Variants in PAICS observed in about 807,000 individuals in gnomAD.
PAICS encodes bifunctional phosphoribosylaminoimidazole carboxylase/phosphoribosylaminoimidazole succinocarboxamide synthetase.
A neutral mutation model predicts 53.7 loss-of-function variants in PAICS; 33 were observed. That is an observed-to-expected ratio of 0.61 (90% CI 0.47 to 0.82). PAICS has a LOEUF of 0.82. Ranked by LOEUF, PAICS falls within the 40% of genes least tolerant of loss-of-function variation. The probability of loss-of-function intolerance (pLI) is 0.00; values close to 1 mark genes in which losing one functional copy is unlikely to be tolerated. For synonymous variants in PAICS, 141 were observed against 167.2 expected (o/e 0.84, Z 1.21); for missense variants, 394 against 494.1 (o/e 0.80, Z 1.92).
At chr4:56,458,388 G>C (rs570968762) in intron 8 of PAICS, among the ~76,000 whole-genome samples, 2 of 151,848 alleles carry the variant, frequency 1.3e-5, no homozygotes, top group East Asian at 3.9e-4. Flanking sequence ...TCTACCTAGC[G>C]TGCTAACAAT....
intron 8 of PAICS, among the ~76,000 whole-genome samples, chr4:56,454,824 C>T (rs908514333): frequency 6.6e-6 from 1 of 151,552 alleles, no homozygotes. Flanking sequence ...TAAATGTGAT[C>T]ATGTTACTTC....
intron 3 of PAICS, among the ~76,000 whole-genome samples, chr4:56,448,122 C>T (rs908716515): frequency 6.6e-6 from 1 of 151,442 alleles, no homozygotes; most frequent in African/African-American, 2.4e-5. Flanking sequence ...ATTCTCCTGC[C>T]TCAGCCTCCC....
chr4:56,413,260 G>A, the PAICS span, among the ~76,000 whole-genome samples: 14 of 152,160 alleles, frequency 9.2e-5, no homozygotes, highest in Admixed American at 5.2e-4. Flanking sequence ...AGGTTCAAGC[G>A]ATTCTCCTGC....
the PAICS span, chr4:56,410,773 G>C: frequency 1.0e-6 from 1 of 987,258 alleles, no homozygotes. Context: ...CTAAAACTAT[G>C]AAGTTCTTCC....
intron 8 of PAICS, among the ~76,000 whole-genome samples, chr4:56,457,087 C>T (rs1045377571): frequency 1.4e-4 from 22 of 152,048 alleles, no homozygotes; most frequent in African/African-American, 4.6e-4. Flanking sequence ...CTGTGCCTGG[C>T]GTCCCCTAGT....
chr4:56,411,156 C>T, the PAICS span, among the ~76,000 whole-genome samples: 1 of 152,102 alleles, frequency 6.6e-6, no homozygotes, highest in East Asian at 1.9e-4. Flanking sequence ...ATGGCACTGA[C>T]TGCTAGTGCC....
chr4:56,434,951 C>T (rs1456064252), upstream of PAICS, among the ~76,000 whole-genome samples: 1 of 152,224 alleles, frequency 6.6e-6, no homozygotes, highest in African/African-American at 2.4e-5. Flanking sequence ...GGACTGGCCG[C>T]CACGCCACAC....
the PAICS span, chr4:56,421,603 A>G: frequency 2.6e-5 from 4 of 152,314 alleles, no homozygotes; most frequent in South Asian, 2.1e-4. Flanking sequence ...ATGAGTCCCA[A>G]TTGTAAGACA....
chr4:56,423,581 C>T, the PAICS span: 2 of 151,976 alleles, frequency 1.3e-5, no homozygotes, highest in South Asian at 4.2e-4. Context: ...GCTTGTTAGT[C>T]CTCTGGAAAA....
chr4:56,430,349 T>C, the PAICS span, among the ~76,000 whole-genome samples: 1 of 152,154 alleles, frequency 6.6e-6, no homozygotes, highest in African/African-American at 2.4e-5. Context: ...TCCTATAAGG[T>C]AGGTGCTATT....
chr4:56,437,162 G>A (rs976509376), intron 1 of PAICS, among the ~76,000 whole-genome samples: 1 of 149,312 alleles, frequency 6.7e-6, no homozygotes, highest in African/African-American at 2.5e-5. Flanking sequence ...TGATGTCATG[G>A]GTGTGTATGT....
upstream of PAICS, among the ~76,000 whole-genome samples, chr4:56,433,523 C>A (rs79114130): frequency 0.011 from 1,577 of 148,144 alleles, 32 homozygotes; most frequent in African/African-American, 0.036. Context: ...TCTTTTTCTT[C>A]AGGCACACAT....
intron 8 of PAICS, among the ~76,000 whole-genome samples, chr4:56,454,036 G>A (rs912102380): frequency 6.6e-6 from 1 of 152,188 alleles, no homozygotes; most frequent in Non-Finnish European, 1.5e-5. Flanking sequence ...CCCACTATCT[G>A]ATGCATTAGA....
the PAICS span, among the ~76,000 whole-genome samples, chr4:56,412,149 A>T: frequency 0.68 from 103,479 of 151,940 alleles, 35,347 homozygotes; most frequent in Admixed American, 0.76. Flanking sequence ...CCAATATCTC[A>T]ACTTCTTAAA....
intron 1 of PAICS, among the ~76,000 whole-genome samples, chr4:56,440,036 T>C (rs2110081440): frequency 6.6e-6 from 1 of 152,322 alleles, no homozygotes; most frequent in South Asian, 2.1e-4. Flanking sequence ...GCCGTAATGA[T>C]CTTTCCAAAT....
upstream of PAICS, among the ~76,000 whole-genome samples, chr4:56,433,755 C>T (rs949545878): frequency 2.0e-5 from 3 of 150,676 alleles, no homozygotes; most frequent in South Asian, 4.2e-4. Context: ...AGTGCAGTGG[C>T]GTGATCTCTG....
chr4:56,436,554 G>C (rs979833130), intron 1 of PAICS: 1 of 706,766 alleles, frequency 1.4e-6, no homozygotes, highest in African/African-American at 1.7e-5. Context: ...TGGCCAAGGG[G>C]TGGAAAGGTG....
upstream of PAICS, chr4:56,435,949 C>T (rs962460134): frequency 2.0e-6 from 3 of 1,504,350 alleles, no homozygotes; most frequent in Admixed American, 1.8e-5. Context: ...ACTTCTGAGT[C>T]GCTCCCGCAG....
At chr4:56,452,121 C>A in intron 7 of PAICS, 69 bp downstream of exon 7, 1 of 950,952 alleles carries the variant, frequency 1.1e-6, no homozygotes, top group Non-Finnish European at 1.6e-6. Flanking sequence ...ACACTTTAGA[C>A]TAATAATGCT....
Sources: gnomAD v4.1 joint callset for allele counts (sites outside exome capture counted in the v4.1 genomes callset) on GRCh38, gnomAD v4.1.1 for gene constraint, MANE v1.5 for transcripts, NCBI Gene and HGNC (gene_info 2026-07-23, HGNC 2026-07-21) for gene names.